The following MKLN1 variants were observed in gnomAD, a reference collection of about 807,000 sequenced individuals.
The protein encoded by MKLN1 is muskelin 1, also known as muskelin.
A neutral mutation model predicts 99.0 loss-of-function variants in MKLN1; 18 were observed. The observed-to-expected ratio is 0.18, with a 90% confidence interval of 0.13 to 0.27. The LOEUF is 0.27. Among genes scored for constraint, MKLN1 ranks in the 10% least tolerant of loss-of-function variants. The pLI is 1.00. For missense variants in MKLN1, 621 were observed against 875.9 expected, an observed-to-expected ratio of 0.71 and a Z score of 3.67; for synonymous variants, 288 against 293.2, an observed-to-expected ratio of 0.98 and a Z score of 0.18.
intron 13 of MKLN1, 84 bp downstream of exon 13, chr7:131,463,448 G>C: frequency 1.5e-6 from 2 of 1,348,018 alleles, no homozygotes; most frequent in African/African-American, 3.0e-5. Flanking sequence ...AGAAATGAGA[G>C]TATTACGTTA....
chr7:131,428,299 T>A (rs1795419512), intron 8 of MKLN1, among the ~76,000 whole-genome samples: 2 of 152,218 alleles, frequency 1.3e-5, no homozygotes, highest in Non-Finnish European at 2.9e-5. Flanking sequence ...AATAGACATT[T>A]CAGAGTCAGA....
chr7:131,204,632 C>T (rs999837718), intron 3 of MKLN1, among the ~76,000 whole-genome samples: 48 of 151,656 alleles, frequency 3.2e-4, no homozygotes, highest in African/African-American at 1.1e-3. Context: ...GAGTTCAAGA[C>T]CAGCCTGGCC....
At chr7:131,383,474 A>G (rs1793911725) in intron 2 of MKLN1, among the ~76,000 whole-genome samples, 1 of 152,178 alleles carries the variant, frequency 6.6e-6, no homozygotes, top group Non-Finnish European at 1.5e-5. Context: ...GCTTAATACA[A>G]CTACATGAAT....
intron 2 of MKLN1, among the ~76,000 whole-genome samples, chr7:131,167,981 G>A (rs1032087452): frequency 6.6e-6 from 1 of 152,134 alleles, no homozygotes. Context: ...GGACTAGGAG[G>A]AAATTAACCC....
chr7:131,271,047 A>T (rs748094133), intron 3 of MKLN1, among the ~76,000 whole-genome samples: 3 of 152,184 alleles, frequency 2.0e-5, no homozygotes, highest in Non-Finnish European at 4.4e-5. Context: ...AACTGTCAGA[A>T]CACAGAAATA....
rs1796569314 is a variant in MKLN1, at chr7:131,463,250, T to C, written c.1559T>C (p.Ile520Thr). Residue 520 changes from isoleucine (I) to threonine (T), a missense_variant, in exon 13 of 18, where the codon ATT (isoleucine) becomes ACT (threonine). By Grantham distance (89) the Ile-to-Thr change is moderately conservative. Around this residue, in one of 8 missense-constraint regions of MKLN1, gnomAD observed 10 missense variants for 45.5 expected, o/e 0.22. Transcript: ENST00000352689. ...ACAGGATTTACACAGAGAGCAACTA[T>C]TGATCCAGAACTGAATGAAATACAC... is the stretch of plus-strand genomic sequence containing the variant. ...PMTGFTQRAT[I>T]DPELNEIHVL... 6.2e-7 allele frequency: 1 copy of C among 1,612,264 alleles called. No individual in the cohort carries two copies. The highest frequency in any genetic ancestry group is 8.5e-7 in the Non-Finnish European group (1 of 1,179,186).
chr7:131,413,402 A>T (rs2116338127), intron 7 of MKLN1, among the ~76,000 whole-genome samples: 1 of 152,342 alleles, frequency 6.6e-6, no homozygotes, highest in South Asian at 2.1e-4. Flanking sequence ...ATTAGGAGAA[A>T]GCCAATACAG....
At chr7:131,138,904 A>G (rs1795690907) in intron 1 of MKLN1, among the ~76,000 whole-genome samples, 1 of 152,212 alleles carries the variant, frequency 6.6e-6, no homozygotes, top group Admixed American at 6.5e-5. Context: ...AATGATTACA[A>G]CTTAGAAATA....
chr7:131,136,982 A>T (rs1795658465), intron 1 of MKLN1, among the ~76,000 whole-genome samples: 1 of 152,074 alleles, frequency 6.6e-6, no homozygotes, highest in South Asian at 2.1e-4. Context: ...GAAGCCTGTG[A>T]CTTTGTCTTA....
At chr7:131,438,241 G>A (rs987474528) in intron 10 of MKLN1, among the ~76,000 whole-genome samples, 9 of 151,812 alleles carry the variant, frequency 5.9e-5, no homozygotes, top group Non-Finnish European at 1.3e-4. Context: ...AAACTTTAGC[G>A]AGTAGATGGA....
chr7:131,362,097 C>G (rs537846022), intron 1 of MKLN1, among the ~76,000 whole-genome samples: 1 of 151,892 alleles, frequency 6.6e-6, no homozygotes, highest in Admixed American at 6.6e-5. Flanking sequence ...ACTTGATTTT[C>G]TTAAAATTTT....
chr7:131,265,435 C>T (rs989989192), intron 3 of MKLN1, among the ~76,000 whole-genome samples: 6 of 152,156 alleles, frequency 3.9e-5, no homozygotes, highest in Non-Finnish European at 7.3e-5. Flanking sequence ...CTCTTTCTCC[C>T]CACCCACTCT....
chr7:131,225,635 A>C (rs1183883040), intron 3 of MKLN1, among the ~76,000 whole-genome samples: 2 of 152,202 alleles, frequency 1.3e-5, no homozygotes, highest in Admixed American at 6.5e-5. Context: ...AGATCAGGGC[A>C]TGCTAACCAG....
intron 1 of MKLN1, among the ~76,000 whole-genome samples, chr7:131,121,878 T>C (rs1008425319): frequency 1.3e-5 from 2 of 151,962 alleles, no homozygotes; most frequent in African/African-American, 4.8e-5. Flanking sequence ...GAAAAGTGGG[T>C]CCAGGTCTAA....
At chr7:131,340,275 CTT>C (rs398006316) in intron 1 of MKLN1, among the ~76,000 whole-genome samples, 4 of 85,048 alleles carry the variant, frequency 4.7e-5, no homozygotes, top group Non-Finnish European at 6.3e-5. Flanking sequence ...GTAATTACGG[CTT>C]TTTTTTTTTT....
At chr7:131,206,372 T>C (rs1439363126) in intron 3 of MKLN1, among the ~76,000 whole-genome samples, 3 of 152,212 alleles carry the variant, frequency 2.0e-5, no homozygotes, top group African/African-American at 7.2e-5. Flanking sequence ...TTAAGGACTC[T>C]GCTTACCATA....
intron 2 of MKLN1, among the ~76,000 whole-genome samples, chr7:131,180,999 G>A (rs920439625): frequency 6.6e-6 from 1 of 152,158 alleles, no homozygotes; most frequent in African/African-American, 2.4e-5. Flanking sequence ...CAAGAGTACA[G>A]CAACACCCTT....
chr7:131,408,432 C>T (rs969017091), intron 6 of MKLN1, among the ~76,000 whole-genome samples: 1 of 152,140 alleles, frequency 6.6e-6, no homozygotes, highest in African/African-American at 2.4e-5. Context: ...TATGTAATCT[C>T]TATTTTGGTG....
intron 6 of MKLN1, among the ~76,000 whole-genome samples, chr7:131,405,762 A>G (rs1794684977): frequency 6.6e-6 from 1 of 152,136 alleles, no homozygotes; most frequent in African/African-American, 2.4e-5. Context: ...TTTCTGGCAT[A>G]ATTGCATAGG....
Sources: allele counts gnomAD v4.1 joint callset (sites outside exome capture counted in the v4.1 genomes callset), GRCh38; gene constraint gnomAD v4.1.1; regional missense constraint gnomAD v4.1.1; transcripts MANE v1.5; gene names NCBI Gene and HGNC (gene_info 2026-07-23, HGNC 2026-07-21).